The following GLP1R variants were observed in gnomAD, a reference collection of about 807,000 sequenced individuals.
The protein encoded by GLP1R is glucagon like peptide 1 receptor.
GLP1R carries 32 observed loss-of-function variants against 68.4 expected under a neutral mutation model. The ratio of observed to expected loss-of-function variants is 0.47; its 90% CI spans 0.35 to 0.63. The LOEUF is 0.63. Ranked by LOEUF, GLP1R falls within the 20% of genes least tolerant of loss-of-function variation. The pLI is 0.00. For synonymous variants in GLP1R, 263 were observed against 244.4 expected (o/e 1.08, Z -0.71); for missense variants, 502 against 594.9 (o/e 0.84, Z 1.62).
Position 39,065,787 on chromosome 6 carries a change from G to C in GLP1R, c.360G>C (p.Trp120Cys). The C allele has an allele frequency of 6.2e-7, 1 of 1,602,130 alleles. No individual in the cohort carries two copies. Among genetic ancestry groups the C allele is most frequent in the Non-Finnish European group, 8.5e-7 (1 of 1,174,528 alleles). ...WLQKDNSSLPWRDLSECEESK... is the reference protein window; with the variant it reads ...WLQKDNSSLPCRDLSECEESK... The stretch of plus-strand genomic sequence containing the variant: ...AGAAGGACAACTCCAGCCTGCCCTG[G>C]AGGGACTTGTCGGAGTGCGAGGAGT... The change falls in exon 4 of 13, where the codon TGG (tryptophan) becomes TGC (cysteine). Residue 120 changes from tryptophan (W) to cysteine (C), a missense_variant. By Grantham distance (215) the Trp-to-Cys change is radical. Transcript: ENST00000373256.
chr6:39,085,850 T>G, intron 12 of GLP1R, 56 bp from the exon 13 acceptor site: 1 of 1,544,136 alleles, frequency 6.5e-7, no homozygotes, highest in Non-Finnish European at 8.9e-7. Flanking sequence ...GTGGGGCCAT[T>G]TTGTTAGCCA....
Position 39,079,103 on chromosome 6 carries a change from A to C in GLP1R, c.955-9A>C, listed in dbSNP as rs1414209218. 1 of 1,613,642 alleles carries C rather than the reference A, an allele frequency of 6.2e-7. No homozygotes were observed. Among genetic ancestry groups the C allele is most frequent in the African/African-American group, 1.3e-5 (1 of 74,982 alleles). On this transcript the variant is annotated splice_polypyrimidine_tract_variant and intron_variant, in intron 9 of 12. Transcript: ENST00000373256. The surrounding 1 kb of genome is among the most constrained non-coding windows in gnomAD (Gnocchi z 4.5). ...GTGCCCCCTGCCAATCCCCGGCCCCACCCCGCAGGTGAACTTCCTCATCTT... is the reference window on the plus strand; with the variant it reads ...GTGCCCCCTGCCAATCCCCGGCCCCCCCCCGCAGGTGAACTTCCTCATCTT...
In GLP1R at chr6:39,051,522, G is replaced by T. The variant is rs1358559922; in HGVS notation, c.78+2604G>T. On this transcript the variant is annotated intron_variant, in intron 1 of 12. Transcript: ENST00000373256. ...GGGTTTCCTCCTGGACAGGACCCAG[G>T]CTGGGGGCTGGGGCAGGAGCAACCA... 3.3e-5 allele frequency among the ~76,000 whole-genome samples: 5 copies of T among 152,306 alleles called. No homozygotes were observed. The East Asian group carries it at 7.7e-4, about 24-fold the overall frequency.
intron 5 of GLP1R, 134 bp downstream of exon 5, chr6:39,066,437 C>T (rs1349222487): frequency 3.4e-6 from 2 of 588,572 alleles, no homozygotes; most frequent in African/African-American, 1.9e-5. Context: ...TCTACAGAGC[C>T]CTGACCGTAG....
At chr6:39,069,304 A>G (rs1233839231) in intron 5 of GLP1R, among the ~76,000 whole-genome samples, 1 of 152,164 alleles carries the variant, frequency 6.6e-6, no homozygotes, top group Non-Finnish European at 1.5e-5. Flanking sequence ...TTCTACCATT[A>G]TTATGTTCAC....
chr6:39,074,104 C>T (rs550572642), intron 7 of GLP1R, among the ~76,000 whole-genome samples: 14 of 152,154 alleles, frequency 9.2e-5, no homozygotes, highest in Non-Finnish European at 2.1e-4. Context: ...CAGTCCCGGG[C>T]AGCCCGAGGG....
At chr6:39,064,886 C>T (rs1172165170) in intron 3 of GLP1R, among the ~76,000 whole-genome samples, 3 of 152,202 alleles carry the variant, frequency 2.0e-5, no homozygotes, top group African/African-American at 4.8e-5. Context: ...AAGACAGGGA[C>T]GGTGCCACCA....
At chr6:39,075,265 C>T (rs2268648) in intron 7 of GLP1R, among the ~76,000 whole-genome samples, 49,169 of 152,092 alleles carry the variant, frequency 0.32, 8,368 homozygotes, top group Non-Finnish European at 0.36. Context: ...CTTTTCTCCC[C>T]GAGGCTTCTT....
intron 3 of GLP1R, among the ~76,000 whole-genome samples, chr6:39,065,446 G>A (rs545472810): frequency 3.7e-4 from 57 of 152,182 alleles, no homozygotes; most frequent in Admixed American, 3.0e-3. Context: ...CCGAGAGGCA[G>A]GGCTGAGGGT....
chr6:39,054,426 A>G (rs963338328), intron 1 of GLP1R, among the ~76,000 whole-genome samples: 2 of 150,116 alleles, frequency 1.3e-5, no homozygotes, highest in Non-Finnish European at 2.9e-5. Flanking sequence ...TCTTACTGTC[A>G]GGAATCCCTC....
intron 1 of GLP1R, among the ~76,000 whole-genome samples, chr6:39,052,680 T>C (rs1403370041): frequency 6.6e-6 from 1 of 152,196 alleles, no homozygotes; most frequent in Admixed American, 6.5e-5. Context: ...TTCTCTGCTG[T>C]CCTTCCTTCC....
intron 1 of GLP1R, among the ~76,000 whole-genome samples, chr6:39,053,528 C>G (rs1332662474): frequency 6.6e-6 from 1 of 152,226 alleles, no homozygotes. Context: ...CCCTCCCACT[C>G]TGCCCTTTCC....
intron 5 of GLP1R, among the ~76,000 whole-genome samples, chr6:39,067,654 C>T (rs983099348): frequency 3.9e-5 from 6 of 152,244 alleles, no homozygotes; most frequent in Non-Finnish European, 8.8e-5. Context: ...CAAACCATAG[C>T]ATTCTGCCCC....
At position 39,079,579 on chromosome 6, in the gene GLP1R, G is replaced by C; in HGVS notation, c.1059G>C (p.Thr353=). ...TGCCCCTCAGACTTGCCAAGTCCAC[G>C]CTGACACTCATCCCCCTGCTGGGGA... is the stretch of plus-strand genomic sequence containing the variant. The part of the protein sequence containing the change: ...TDIKCRLAKS[T]LTLIPLLGTH... Residue 353 remains threonine, a synonymous_variant, in exon 11 of 13, where the codon ACG becomes ACC. Transcript: ENST00000373256. This position sits in a 1 kb window ranked among gnomAD's most constrained non-coding sequence, Gnocchi z 4.5. 1.2e-6 allele frequency: 2 copies of C among 1,600,500 alleles called. No individual in the cohort carries two copies. The highest frequency in any genetic ancestry group is 1.7e-6 in the Non-Finnish European group (2 of 1,174,542).
chr6:39,080,977 C>T (rs1366236218), intron 12 of GLP1R, among the ~76,000 whole-genome samples: 1 of 151,840 alleles, frequency 6.6e-6, no homozygotes, highest in Admixed American at 6.6e-5. Flanking sequence ...GGCATGTGAC[C>T]CTAAGGAAGA....
Position 39,048,851 on chromosome 6 carries a change from C to T in GLP1R, c.11C>T (p.Ala4Val). The change falls in exon 1 of 13, where the codon GCC (alanine) becomes GTC (valine). Residue 4 changes from alanine (A) to valine (V), a missense_variant. Coordinates refer to ENST00000373256, the MANE Select transcript of GLP1R (RefSeq NM_002062.5). ...CCTGAACTCCCCGCCATGGCCGGCGCCCCCGGCCCGCTGCGCCTTGCGCTG... is the reference window on the plus strand; with the variant it reads ...CCTGAACTCCCCGCCATGGCCGGCGTCCCCGGCCCGCTGCGCCTTGCGCTG... MAG[A>V]PGPLRLALLL... The T allele has an allele frequency of 2.7e-6, 4 of 1,475,122 alleles. No individual in the cohort carries two copies. Among genetic ancestry groups the T allele is most frequent in the Non-Finnish European group, 3.6e-6 (4 of 1,106,242 alleles). The allele number at this position is 1,475,122 out of a possible 1,614,324, so 91.4% of individuals were successfully genotyped here.
chr6:39,074,666 C>T (rs1768767275), intron 7 of GLP1R, among the ~76,000 whole-genome samples: 1 of 152,114 alleles, frequency 6.6e-6, no homozygotes, highest in Non-Finnish European at 1.5e-5. Flanking sequence ...CTGCCCCTGC[C>T]ACGGACCTCC....
chr6:39,061,312 G>T (rs937381378), intron 3 of GLP1R, among the ~76,000 whole-genome samples: 1 of 152,204 alleles, frequency 6.6e-6, no homozygotes, highest in East Asian at 1.9e-4. Context: ...TTGGCCGCCC[G>T]AGGGCCCTTC....
chr6:39,050,786 T>C (rs1768069610), intron 1 of GLP1R, among the ~76,000 whole-genome samples: 2 of 152,220 alleles, frequency 1.3e-5, no homozygotes, highest in South Asian at 4.1e-4. Context: ...TCCCCTCATG[T>C]TGCTGATGGG....
Sources: allele counts gnomAD v4.1 joint callset (sites outside exome capture counted in the v4.1 genomes callset), GRCh38; gene constraint gnomAD v4.1.1; non-coding constraint Gnocchi (gnomAD v3.1); transcripts MANE v1.5; gene names NCBI Gene and HGNC (gene_info 2026-07-23, HGNC 2026-07-21).